PCDHGA5: variants seen among roughly 807,000 people sequenced by gnomAD.
The protein encoded by PCDHGA5 is protocadherin gamma subfamily A, 5.
PCDHGA5 carries 36 observed loss-of-function variants against 56.7 expected under a neutral mutation model. The ratio of observed to expected loss-of-function variants is 0.64; its 90% CI spans 0.49 to 0.84. The LOEUF is 0.84. Ranked by LOEUF, PCDHGA5 falls within the 40% of genes least tolerant of loss-of-function variation. PCDHGA5 has a pLI of 0.00. For missense variants in PCDHGA5, 1,305 were observed against 1,201.5 expected (o/e 1.09, Z -1.27); for synonymous variants, 563 against 520.2 (o/e 1.08, Z -1.12).
At chr5:141,420,208 A>G (rs1396340813) in intron 1 of PCDHGA5, 1 of 1,612,970 alleles carries the variant, frequency 6.2e-7, no homozygotes, top group Non-Finnish European at 8.5e-7. Flanking sequence ...ACCTCAACAA[A>G]GATAGCATGC....
rs562011010 is a variant in PCDHGA5, at chr5:141,427,600, G to A, written c.2421+60849G>A. On this transcript the variant is annotated intron_variant, in intron 1 of 3. Coordinates refer to ENST00000518069, the MANE Select transcript of PCDHGA5 (RefSeq NM_018918.3). ...TCATCCAGCACAAGCCTCACCCTAC[G>A]CATTGGTGAAGTCAACGACAATGCT... The A allele has an allele frequency of 6.7e-5, 46 of 683,296 alleles. 1 individual carries two copies. The East Asian group carries it at 1.2e-3, about 18-fold the overall frequency. 42.3% of individuals were successfully genotyped at this position (683,296 alleles called of 1,614,324 possible). A position where few individuals can be genotyped will look rare whatever the true frequency, so the allele number is the denominator to read the frequency against.
At chr5:141,411,319 C>T (rs532552346) in intron 1 of PCDHGA5, 1 of 152,262 alleles carries the variant, frequency 6.6e-6, no homozygotes, top group South Asian at 2.1e-4. Flanking sequence ...CCTATAATCA[C>T]AGCACTTTGA....
In PCDHGA5 at chr5:141,364,574, G is replaced by C. The variant is rs184408500; in HGVS notation, c.244G>C (p.Gly82Arg). 12 of 1,614,166 alleles carry C rather than the reference G, an allele frequency of 7.4e-6. No individual in the cohort carries two copies. The highest frequency in any genetic ancestry group is 1.0e-5 in the Non-Finnish European group (12 of 1,179,988). The change falls in exon 1 of 4, where the codon GGC (glycine) becomes CGC (arginine). Residue 82 changes from glycine to arginine, a missense_variant. By Grantham distance (125) the Gly-to-Arg change is moderately radical. Coordinates refer to ENST00000518069, the MANE Select transcript of PCDHGA5 (RefSeq NM_018918.3). ...TQLFALNPRS[G>R]SLVTAGRIDR... is the part of the protein sequence containing the mutation. ...GCTTTTTGCCCTGAACCCGCGAAGC[G>C]GCAGCTTGGTCACCGCGGGCAGGAT...
intron 1 of PCDHGA5, chr5:141,403,227 G>C (rs2094378929): frequency 1.2e-6 from 2 of 1,608,848 alleles, no homozygotes; most frequent in African/African-American, 1.3e-5. Context: ...AGGATAGACC[G>C]GGAGGAGCTC....
chr5:141,485,745 T>C lies in PCDHGA5; in HGVS notation c.2422-9062T>C. 3 of 1,614,146 alleles carry C rather than the reference T, an allele frequency of 1.9e-6. No individual in the cohort carries two copies. Among genetic ancestry groups the C allele is most frequent in the Non-Finnish European group, 2.5e-6 (3 of 1,179,986 alleles). ...AAGAAGCGCAGCGACGGCAGCCTGGTCCCAGAGCTGCTCCTGGAGAAGCCT... is the reference window on the plus strand; with the variant it reads ...AAGAAGCGCAGCGACGGCAGCCTGGCCCCAGAGCTGCTCCTGGAGAAGCCT... On this transcript the variant is annotated intron_variant, in intron 1 of 3. Transcript: ENST00000518069. This position sits in a 1 kb window ranked among gnomAD's most constrained non-coding sequence, Gnocchi z 5.7.
chr5:141,503,471 C>A (rs2099820129), intron 2 of PCDHGA5, among the ~76,000 whole-genome samples: 1 of 151,836 alleles, frequency 6.6e-6, no homozygotes, highest in African/African-American at 2.4e-5. Context: ...GGCATGTGTG[C>A]ACTTGTCGTC....
chr5:141,395,332 AT>A (rs2093216099), intron 1 of PCDHGA5: 2 of 1,450,272 alleles, frequency 1.4e-6, no homozygotes, highest in Non-Finnish European at 9.2e-7. Flanking sequence ...GTTGAAAATA[AT>A]TTTTAAGGTG....
At chr5:141,387,772 T>G in intron 1 of PCDHGA5, 1 of 1,442,780 alleles carries the variant, frequency 6.9e-7, no homozygotes, top group Non-Finnish European at 9.2e-7. Flanking sequence ...GAATTTTTTC[T>G]TGAACTGGAA....
At chr5:141,394,852 C>T in intron 1 of PCDHGA5, 1 of 1,613,838 alleles carries the variant, frequency 6.2e-7, no homozygotes, top group Non-Finnish European at 8.5e-7. Flanking sequence ...AGTCTGAAGC[C>T]TTCGGTCGAC....
At position 141,490,359 on chromosome 5, in the gene PCDHGA5, T is replaced by A; in HGVS notation, c.2422-4448T>A. On this transcript the variant is annotated intron_variant, in intron 1 of 3. Coordinates refer to ENST00000518069, the MANE Select transcript of PCDHGA5 (RefSeq NM_018918.3). The surrounding 1 kb of genome is among the most constrained non-coding windows in gnomAD (Gnocchi z 5.4). ...TGGGCACAGTAGTGGGGTTGTTTAA[T>A]GTGCGAGACCGGGACTCAGGTAGAA... 6.2e-7 allele frequency: 1 copy of A among 1,614,212 alleles called. No individual in the cohort carries two copies. The highest frequency in any genetic ancestry group is 8.5e-7 in the Non-Finnish European group (1 of 1,180,036).
Position 141,510,363 on chromosome 5 carries a change from G to A in PCDHGA5, c.2570-584G>A, listed in dbSNP as rs973832487. Among the ~76,000 whole-genome samples the A allele has an allele frequency of 7.8e-5, 11 of 141,564 alleles. No individual in the cohort carries two copies. In the East Asian group the frequency reaches 1.6e-3, roughly 21 times the overall value. 92.9% of individuals were successfully genotyped at this position (141,564 alleles called of 152,430 possible). The stretch of plus-strand genomic sequence containing the variant: ...CCACACACTTACTAACGGAACTACC[G>A]AATCTCTACTCGTGCCAGGCCTTGC... On this transcript the variant is annotated intron_variant, in intron 3 of 3. Coordinates refer to ENST00000518069, the MANE Select transcript of PCDHGA5 (RefSeq NM_018918.3).
At chr5:141,430,877 G>T in intron 1 of PCDHGA5, 1 of 1,600,796 alleles carries the variant, frequency 6.2e-7, no homozygotes. Flanking sequence ...GGAAGAGCTG[G>T]AGAAAGGCTC....
At chr5:141,373,840 A>T in intron 1 of PCDHGA5, 1 of 434,496 alleles carries the variant, frequency 2.3e-6, no homozygotes, top group Non-Finnish European at 4.1e-6. Context: ...TTAAGTTAGG[A>T]CTCTAAGCGT....
intron 2 of PCDHGA5, among the ~76,000 whole-genome samples, chr5:141,502,500 G>A (rs1398797155): frequency 6.6e-6 from 1 of 152,046 alleles, no homozygotes; most frequent in Non-Finnish European, 1.5e-5. Context: ...ATCTAACGTC[G>A]GCCTGTCCCA....
rs756361613 is a variant in PCDHGA5 at position 141,392,855 on chromosome 5, C to G, written c.2421+26104C>G. 3.1e-6 allele frequency: 5 copies of G among 1,612,176 alleles called. No individual in the cohort carries two copies. The highest frequency in any genetic ancestry group is 3.3e-4 in the Middle Eastern group (2 of 6,050). Reference sequence around the variant, plus strand: ...GTCGCCCCAGACGCGGCGAGCTGATCCTGCTGTGCGCGCTGCTGGGAACGC... The same window carrying G: ...GTCGCCCCAGACGCGGCGAGCTGATGCTGCTGTGCGCGCTGCTGGGAACGC... On this transcript the variant is annotated intron_variant, in intron 1 of 3. Coordinates refer to ENST00000518069, the MANE Select transcript of PCDHGA5 (RefSeq NM_018918.3).
intron 1 of PCDHGA5, chr5:141,484,976 G>T: frequency 1.7e-6 from 1 of 592,920 alleles, no homozygotes; most frequent in South Asian, 2.1e-5. Flanking sequence ...GCCGCTGTCT[G>T]CCAATCGGGT....
chr5:141,434,440 T>C (rs1283641379), intron 1 of PCDHGA5, among the ~76,000 whole-genome samples: 2 of 152,238 alleles, frequency 1.3e-5, no homozygotes, highest in Non-Finnish European at 2.9e-5. Flanking sequence ...GTAATGCCCA[T>C]GCTGGAAGGT....
At chr5:141,419,934 T>C (rs1427601115) in intron 1 of PCDHGA5, 3 of 1,613,952 alleles carry the variant, frequency 1.9e-6, no homozygotes, top group Non-Finnish European at 2.5e-6. Flanking sequence ...CAGTTTTACC[T>C]GGTGGTGGCC....
At chr5:141,403,251 C>G (rs1276332038) in intron 1 of PCDHGA5, 41 of 1,613,756 alleles carry the variant, frequency 2.5e-5, no homozygotes, top group Non-Finnish European at 3.4e-5. Context: ...GCTCAGAGCC[C>G]GCGGTGTCTG....
Sources: allele counts gnomAD v4.1 joint callset (sites outside exome capture counted in the v4.1 genomes callset), GRCh38; gene constraint gnomAD v4.1.1; non-coding constraint Gnocchi (gnomAD v3.1); transcripts MANE v1.5; gene names NCBI Gene and HGNC (gene_info 2026-07-23, HGNC 2026-07-21).